Variants in AHDC1 observed in about 807,000 individuals in gnomAD.
The protein encoded by AHDC1 is AT-hook DNA binding motif containing 1.
A neutral mutation model predicts 87.9 loss-of-function variants in AHDC1; 7 were observed. The observed-to-expected ratio is 0.08, with a 90% CI of 0.05 to 0.15. The LOEUF is 0.15. Among genes scored for constraint, AHDC1 ranks in the 10% least tolerant of loss-of-function variants. The pLI, the probability that AHDC1 is intolerant of heterozygous loss-of-function variation, is 1.00. For synonymous variants in AHDC1, 1,051 were observed against 1,006.8 expected, an observed-to-expected ratio of 1.04 and a Z score of -0.83; for missense variants, 1,841 against 2,253.2, an observed-to-expected ratio of 0.82 and a Z score of 3.70.
intron 3 of AHDC1, among the ~76,000 whole-genome samples, chr1:27,569,811 C>G (rs1280215295): frequency 6.6e-6 from 1 of 152,056 alleles, no homozygotes; most frequent in Admixed American, 6.5e-5. Context: ...CTCCCTGACC[C>G]GACAGGCCTG....
At chr1:27,556,802 A>C (rs1309416923) in intron 5 of AHDC1, among the ~76,000 whole-genome samples, 1 of 151,978 alleles carries the variant, frequency 6.6e-6, no homozygotes, top group African/African-American at 2.4e-5. Flanking sequence ...CAACGGTCCT[A>C]GTCCCAACCA....
chr1:27,560,114 G>C lies in AHDC1; in HGVS notation c.-628-1231C>G, dbSNP rs367788840. Among the ~76,000 whole-genome samples the C allele has an allele frequency of 5.9e-5, 9 of 152,290 alleles. No homozygotes were observed. Among genetic ancestry groups the C allele is most frequent in the African/African-American group, 1.9e-4 (8 of 41,546 alleles). On this transcript the variant is annotated intron_variant, in intron 3 of 8. Transcript: ENST00000673934. The surrounding 1 kb of genome is among the most constrained non-coding windows in gnomAD (Gnocchi z 4.1). The stretch of plus-strand genomic sequence containing the variant: ...TGGTCAGCTGTGTGTGTGTATGTGT[G>C]ATGCCAGCTTAAGTGTGTGCCTGGA...
At chr1:27,588,716 C>G (rs1220582454) in intron 3 of AHDC1, among the ~76,000 whole-genome samples, 1 of 152,094 alleles carries the variant, frequency 6.6e-6, no homozygotes, top group Non-Finnish European at 1.5e-5. Context: ...GTGTGTGCTG[C>G]ATTTGTGAAT....
At chr1:27,536,569 C>G (rs2148185466) in intron 8 of AHDC1, among the ~76,000 whole-genome samples, 1 of 152,252 alleles carries the variant, frequency 6.6e-6, no homozygotes. Context: ...GGTAAACAGG[C>G]TGCAGAGACA....
At chr1:27,589,635 G>A (rs1490599800) in intron 3 of AHDC1, among the ~76,000 whole-genome samples, 9 of 152,188 alleles carry the variant, frequency 5.9e-5, no homozygotes, top group Non-Finnish European at 1.3e-4. Context: ...TATGCCATGT[G>A]TTGTAGTATG....
rs372265193 is a variant in AHDC1 at position 27,595,450 on chromosome 1, C to CTGTGTGTGTG, written c.-629+7937_-629+7946dup. 0.022 allele frequency among the ~76,000 whole-genome samples: 3,151 copies of CTGTGTGTGTG among 144,764 alleles called. 122 individuals are homozygous for CTGTGTGTGTG. Among genetic ancestry groups the CTGTGTGTGTG allele is most frequent in the African/African-American group, 0.076 (2,957 of 38,806 alleles). The allele number at this position is 144,764 out of a possible 152,430, so 95.0% of individuals were successfully genotyped here. ...GGTTGATATGCTGAGGGTGTGATAGCTGTGTGTGTGTGTGTGTGTGATTGT... is the reference window on the plus strand; with the variant it reads ...GGTTGATATGCTGAGGGTGTGATAGCTGTGTGTGTGTGTGTGTGTGTGTGTGTGTGATTGT... On this transcript the variant is annotated intron_variant, in intron 3 of 8. Transcript: ENST00000673934. The surrounding 1 kb of genome is among the most constrained non-coding windows in gnomAD (Gnocchi z 4.0).
intron 3 of AHDC1, among the ~76,000 whole-genome samples, chr1:27,599,495 T>C (rs11587249): frequency 0.037 from 5,565 of 152,240 alleles, 143 homozygotes; most frequent in Non-Finnish European, 0.056. Flanking sequence ...CCTGCAGCTG[T>C]TCCAATTCTC....
At chr1:27,539,709 G>C (rs1030367914) in intron 8 of AHDC1, among the ~76,000 whole-genome samples, 3 of 152,192 alleles carry the variant, frequency 2.0e-5, no homozygotes, top group African/African-American at 7.2e-5. Context: ...CTCCCAAAGT[G>C]CTGGGATTAC....
At chr1:27,594,394 CT>C (rs1458024286) in intron 3 of AHDC1, among the ~76,000 whole-genome samples, 2 of 152,168 alleles carry the variant, frequency 1.3e-5, no homozygotes, top group Middle Eastern at 3.2e-3. Context: ...GCAACTCCCC[CT>C]GTCCCTCTCT....
At position 27,549,806 on chromosome 1, in the gene AHDC1, C is replaced by T; in HGVS notation, c.2310G>A (p.Gly770=). Residue 770 remains glycine, a synonymous_variant, in exon 8 of 9, where the codon GGG becomes GGA. Transcript: ENST00000673934. The stretch of plus-strand genomic sequence containing the variant: ...GAGGGGCCCAGCCACCACCCTTATC[C>T]CCGGCCCACTCAGCACCTGCCTCCC... ...GFGEAGAEWA[G]DKGGGWAPHH... is the part of the protein sequence containing the mutation. The T allele has an allele frequency of 6.2e-7, 1 of 1,613,622 alleles. No homozygotes were observed. Among genetic ancestry groups the T allele is most frequent in the Non-Finnish European group, 8.5e-7 (1 of 1,179,966 alleles).
At chr1:27,542,743 G>A (rs1044736719) in intron 8 of AHDC1, among the ~76,000 whole-genome samples, 1 of 152,226 alleles carries the variant, frequency 6.6e-6, no homozygotes, top group Non-Finnish European at 1.5e-5. Context: ...CTCCAGTTCC[G>A]TGGCCCTGCT....
intron 3 of AHDC1, among the ~76,000 whole-genome samples, chr1:27,594,811 G>A (rs962832153): frequency 2.0e-5 from 3 of 152,160 alleles, no homozygotes; most frequent in Non-Finnish European, 2.9e-5. Flanking sequence ...GGCTGCAGAA[G>A]GATTAGGCGG....
rs750839584 is a variant in AHDC1 at position 27,548,725 on chromosome 1, T to C, written c.3391A>G (p.Ser1131Gly). Residue 1131 changes from serine (S) to glycine (G), a missense_variant, in exon 8 of 9, where the codon AGT becomes GGT. Physicochemically the swap from Ser to Gly is moderately conservative, Grantham distance 56. Transcript: ENST00000673934. The stretch of plus-strand genomic sequence containing the variant: ...GGCTCGCTGACGTGGCAGTCAAAAC[T>C]GGGATTGTAGAGCTGACTAAAGGCC... ...SEAFSQLYNP[S>G]FDCHVSEPNV... The C allele has an allele frequency of 6.2e-7, 1 of 1,613,242 alleles. No homozygotes were observed. The highest frequency in any genetic ancestry group is 1.1e-5 in the South Asian group (1 of 91,068).
At position 27,551,421 on chromosome 1, in the gene AHDC1, T is replaced by C. The variant is rs912870237; in HGVS notation, c.695A>G (p.Asp232Gly). ...ATGLPPEPEPDSTDYSELADA... is the reference protein window; with the variant it reads ...ATGLPPEPEPGSTDYSELADA... ...AGCAAGTTCTGAGTAATCAGTGCTG[T>C]CTGGCTCAGGCTCTGGGGGCAGACC... Residue 232 changes from aspartate to glycine, a missense_variant, in exon 8 of 9, where the codon GAC (aspartate) becomes GGC (glycine). Asp to Gly is a moderately conservative substitution (Grantham distance 94). This residue lies in a region of AHDC1 where 370 missense variants were observed against 391.5 expected (regional missense o/e 0.95). Coordinates refer to ENST00000673934, the MANE Select transcript of AHDC1 (RefSeq NM_001371928.1). The C allele has an allele frequency of 6.8e-6, 11 of 1,613,316 alleles. No individual in the cohort carries two copies. Among genetic ancestry groups the C allele is most frequent in the Admixed American group, 6.7e-5 (4 of 60,000 alleles).
At chr1:27,588,847 G>A (rs761580221) in intron 3 of AHDC1, among the ~76,000 whole-genome samples, 2 of 152,136 alleles carry the variant, frequency 1.3e-5, no homozygotes, top group African/African-American at 2.4e-5. Flanking sequence ...GGCTGTGTGT[G>A]CACAGGATGC....
intron 3 of AHDC1, among the ~76,000 whole-genome samples, chr1:27,559,528 CTT>C (rs569362200): frequency 1.3e-5 from 2 of 152,170 alleles, no homozygotes; most frequent in South Asian, 4.1e-4. Flanking sequence ...AGTCAGTTAA[CTT>C]TTCTGGCTCT....
rs746396362 is a variant in AHDC1 at position 27,547,692 on chromosome 1, C to T, written c.4424G>A (p.Arg1475His). Reference sequence around the variant, plus strand: ...CACCTTGCCTTCATAGGGCGGGCTGCGGGCAGCTGAGCCTGGAGGGTACCA... The same window carrying T: ...CACCTTGCCTTCATAGGGCGGGCTGTGGGCAGCTGAGCCTGGAGGGTACCA... Reference protein sequence around the residue: ...AYWYPPGSAARSPPYEGKVGT... With the variant: ...AYWYPPGSAAHSPPYEGKVGT... The change falls in exon 8 of 9, where the codon CGC becomes CAC. Residue 1475 changes from arginine to histidine, a missense_variant. By Grantham distance (29) the Arg-to-His change is conservative. Coordinates refer to ENST00000673934, the MANE Select transcript of AHDC1 (RefSeq NM_001371928.1). This position sits in a 1 kb window ranked among gnomAD's most constrained non-coding sequence, Gnocchi z 4.9. 1.6e-5 allele frequency: 26 copies of T among 1,594,830 alleles called. No individual in the cohort carries two copies. Among genetic ancestry groups the T allele is most frequent in the African/African-American group, 2.7e-5 (2 of 74,572 alleles).
At chr1:27,567,375 C>G (rs942446442) in intron 3 of AHDC1, among the ~76,000 whole-genome samples, 1 of 151,954 alleles carries the variant, frequency 6.6e-6, no homozygotes, top group African/African-American at 2.4e-5. Flanking sequence ...ACAGCTGAAG[C>G]GGCCGTCGGG....
At chr1:27,600,306 G>A (rs1227646019) in intron 3 of AHDC1, among the ~76,000 whole-genome samples, 1 of 151,900 alleles carries the variant, frequency 6.6e-6, no homozygotes, top group Non-Finnish European at 1.5e-5. Flanking sequence ...AGAGACCCAG[G>A]GGACCCAGAG....
Sources: allele counts gnomAD v4.1 joint callset (sites outside exome capture counted in the v4.1 genomes callset), GRCh38; gene constraint gnomAD v4.1.1; regional missense constraint gnomAD v4.1.1; non-coding constraint Gnocchi (gnomAD v3.1); transcripts MANE v1.5; gene names NCBI Gene and HGNC (gene_info 2026-07-23, HGNC 2026-07-21).